Variants in SBF1 observed in about 807,000 individuals in gnomAD.
SBF1 encodes the protein SET binding factor 1, also known as myotubularin-related protein 5.
Under a neutral mutation model 215.8 loss-of-function variants are expected in SBF1, and 65 were observed. The observed-to-expected ratio is 0.30, with a 90% CI of 0.25 to 0.37. SBF1 has a LOEUF of 0.37. Ranked by LOEUF, SBF1 falls within the 10% of genes least tolerant of loss-of-function variation. The probability of loss-of-function intolerance (pLI) is 1.00; values close to 1 mark genes in which losing one functional copy is unlikely to be tolerated. For missense variants in SBF1, 2,634 were observed against 2,667.8 expected, an observed-to-expected ratio of 0.99 and a Z score of 0.28; for synonymous variants, 1,410 against 1,122.8, an observed-to-expected ratio of 1.26 and a Z score of -5.11.
At chr22:50,462,517 G>T (rs1165409990) in intron 18 of SBF1, 42 bp downstream of exon 18, 3 of 1,585,490 alleles carry the variant, frequency 1.9e-6, no homozygotes, top group Middle Eastern at 1.7e-4. Flanking sequence ...CGCTGCCCCA[G>T]CCCCTAGCCC....
Position 50,462,321 on chromosome 22 carries a change from A to G in SBF1, c.2280T>C (p.Tyr760=). Residue 760 remains tyrosine, a synonymous_variant, in exon 19 of 41, where the codon TAT becomes TAC. Coordinates refer to ENST00000380817, the MANE Select transcript of SBF1 (RefSeq NM_002972.4). ...ESTVFSQAIH[Y]ANRMSYLLLP... Reference sequence around the variant, plus strand: ...GGAGGAGGTAGCTCATGCGGTTGGCATAGTGGATGGCCTGGCTGAACACCG... The same window carrying G: ...GGAGGAGGTAGCTCATGCGGTTGGCGTAGTGGATGGCCTGGCTGAACACCG... 3 of 1,614,084 alleles carry G rather than the reference A, an allele frequency of 1.9e-6. No homozygotes were observed. The highest frequency in any genetic ancestry group is 2.5e-6 in the Non-Finnish European group (3 of 1,180,010).
intron 1 of SBF1, among the ~76,000 whole-genome samples, chr22:50,473,601 G>A (rs1051455094): frequency 3.3e-5 from 5 of 152,190 alleles, no homozygotes; most frequent in African/African-American, 7.2e-5. Flanking sequence ...CGAAGAAGAT[G>A]CTAAAGAGGC....
At chr22:50,469,142 G>A (rs1022267453) in intron 1 of SBF1, among the ~76,000 whole-genome samples, 4 of 152,170 alleles carry the variant, frequency 2.6e-5, no homozygotes, top group African/African-American at 4.8e-5. Flanking sequence ...GGTCCAGGAC[G>A]ACCACCGAAG....
intron 30 of SBF1, 39 bp from the exon 31 acceptor site, chr22:50,456,434 G>A: frequency 6.3e-7 from 1 of 1,598,968 alleles, no homozygotes; most frequent in Non-Finnish European, 8.5e-7. Flanking sequence ...GACACATGAG[G>A]CCCCAAGCCC....
chr22:50,470,679 T>C (rs1311233285), intron 1 of SBF1, among the ~76,000 whole-genome samples: 2 of 152,214 alleles, frequency 1.3e-5, no homozygotes, highest in Admixed American at 1.3e-4. Flanking sequence ...CTAGTGCACC[T>C]GTTGGCTTGG....
Position 50,459,682 on chromosome 22 carries a change from G to C in SBF1, c.3492-16C>G, listed in dbSNP as rs539158830. The C allele has an allele frequency of 2.5e-6, 4 of 1,588,672 alleles. No homozygotes were observed. The African/African-American group carries it at 5.4e-5, about 22-fold the overall frequency. ...CCCTGGGTAGCTGAGAGGAGGCAGA[G>C]GCGTGAAGGTGGCTGGCGACCCCAC... is the stretch of plus-strand genomic sequence containing the variant. On this transcript the variant is annotated splice_polypyrimidine_tract_variant and intron_variant, in intron 26 of 40. Coordinates refer to ENST00000380817, the MANE Select transcript of SBF1 (RefSeq NM_002972.4).
At chr22:50,473,447 A>G (rs4824152) in intron 1 of SBF1, among the ~76,000 whole-genome samples, 121,497 of 152,092 alleles carry the variant, frequency 0.8, 49,011 homozygotes, top group East Asian at 0.96. Context: ...GATGAGGACT[A>G]TGTGGTCCTA....
At position 50,446,491 on chromosome 22, in the gene SBF1, G is replaced by A. The variant is rs2066822612; in HGVS notation, c.*651C>T. On this transcript the variant is annotated 3_prime_UTR_variant, in exon 41 of 41. Coordinates refer to ENST00000380817, the MANE Select transcript of SBF1 (RefSeq NM_002972.4). Reference sequence around the variant, plus strand: ...TGACCACCCACCCTTTCACCCCCAAGCCTCTGTGAGGTCAGCTTCTGCATC... The same window carrying A: ...TGACCACCCACCCTTTCACCCCCAAACCTCTGTGAGGTCAGCTTCTGCATC... 4.4e-6 allele frequency: 1 copy of A among 225,142 alleles called. No homozygotes were observed. Among genetic ancestry groups the A allele is most frequent in the African/African-American group, 2.3e-5 (1 of 43,558 alleles). The allele number at this position is 225,142 out of a possible 1,614,324, so 13.9% of individuals were successfully genotyped here.
intron 28 of SBF1, among the ~76,000 whole-genome samples, chr22:50,457,910 T>C (rs979444404): frequency 1.3e-5 from 2 of 152,204 alleles, no homozygotes; most frequent in African/African-American, 4.8e-5. Flanking sequence ...CCCTGTGTCC[T>C]CTGACGGCTG....
At chr22:50,461,427 A>C in intron 22 of SBF1, 96 bp downstream of exon 22, 1 of 1,492,262 alleles carries the variant, frequency 6.7e-7, no homozygotes, top group Non-Finnish European at 8.9e-7. Context: ...GGCACCCAGA[A>C]CCCCCGAGAA....
intron 36 of SBF1, among the ~76,000 whole-genome samples, chr22:50,453,679 C>A (rs541887283): frequency 6.6e-6 from 1 of 152,178 alleles, no homozygotes; most frequent in East Asian, 1.9e-4. Context: ...CCCAGCTACT[C>A]GAGAGGCTGA....
chr22:50,474,864 A>T lies in SBF1; in HGVS notation c.-24T>A, dbSNP rs1403315352. 8.8e-6 allele frequency: 12 copies of T among 1,370,664 alleles called. No individual in the cohort carries two copies. Among genetic ancestry groups the T allele is most frequent in the African/African-American group, 4.7e-5 (3 of 64,488 alleles). The allele number at this position is 1,370,664 out of a possible 1,614,324, so 84.9% of individuals were successfully genotyped here. ...ATGGCGAGGGACGCGGGGCGGCCCG[A>T]GGGGCGCGGGCGGGCTCCGCGGCTC... is the stretch of plus-strand genomic sequence containing the variant. On this transcript the variant is annotated 5_prime_UTR_variant, in exon 1 of 41. Coordinates refer to ENST00000380817, the MANE Select transcript of SBF1 (RefSeq NM_002972.4).
intron 31 of SBF1, 75 bp from the exon 32 acceptor site, chr22:50,455,657 C>T (rs1032135683): frequency 4.0e-6 from 5 of 1,249,688 alleles, no homozygotes; most frequent in Non-Finnish European, 5.7e-6. Context: ...GCCAGAGACC[C>T]GCATGTCCAC....
chr22:50,447,972 G>A (rs772720710), intron 38 of SBF1, among the ~76,000 whole-genome samples: 38 of 152,316 alleles, frequency 2.5e-4, no homozygotes, highest in African/African-American at 3.6e-4. Flanking sequence ...AAGCAGCCAC[G>A]GCAGCAGCTG....
chr22:50,446,648 G>A lies in SBF1; in HGVS notation c.*494C>T, dbSNP rs1177294681. On this transcript the variant is annotated 3_prime_UTR_variant, in exon 41 of 41. Coordinates refer to ENST00000380817, the MANE Select transcript of SBF1 (RefSeq NM_002972.4). ...CGCCCCCAGAGCAAAGTCACTCCCA[G>A]GGACATGCAGGCCGAGCTGGGTGGA... is the stretch of plus-strand genomic sequence containing the variant. 2.7e-6 allele frequency: 1 copy of A among 363,944 alleles called. No homozygotes were observed. The highest frequency in any genetic ancestry group is 2.1e-5 in the African/African-American group (1 of 47,032). 22.5% of individuals were successfully genotyped at this position (363,944 alleles called of 1,614,324 possible).
chr22:50,451,693 A>G (rs1308291281), intron 36 of SBF1, among the ~76,000 whole-genome samples: 1 of 152,246 alleles, frequency 6.6e-6, no homozygotes, highest in East Asian at 1.9e-4. Flanking sequence ...GCAAAATCTT[A>G]AGGCAGAGAA....
rs1193133636 is a variant in SBF1 at position 50,467,431 on chromosome 22, G to C, written c.456C>G (p.Ile152Met). Residue 152 changes from isoleucine (I) to methionine (M), a missense_variant, in exon 5 of 41, where the codon ATC becomes ATG. Transcript: ENST00000380817. ...TEVFRNSLGL[I>M]YAIHVEGLNV... ...TCAGGCCCTCCACGTGGATGGCATAGATGAGGCCAAGGCTGTTCTGCAATG... is the reference window on the plus strand; with the variant it reads ...TCAGGCCCTCCACGTGGATGGCATACATGAGGCCAAGGCTGTTCTGCAATG... 2.5e-6 allele frequency: 4 copies of C among 1,614,214 alleles called. No individual in the cohort carries two copies. Among genetic ancestry groups the C allele is most frequent in the Middle Eastern group, 3.3e-4 (2 of 6,062 alleles).
At chr22:50,451,051 C>T (rs1023666473) in intron 36 of SBF1, among the ~76,000 whole-genome samples, 11 of 148,302 alleles carry the variant, frequency 7.4e-5, no homozygotes, top group East Asian at 2.0e-4. Flanking sequence ...TAGATGGGGC[C>T]GGGTGTGGTG....
Position 50,461,792 on chromosome 22 carries a change from A to G in SBF1, c.2643+4T>C, listed in dbSNP as rs747755033. On this transcript the variant is annotated splice_donor_region_variant and intron_variant, in intron 21 of 40. Coordinates refer to ENST00000380817, the MANE Select transcript of SBF1 (RefSeq NM_002972.4). ...CCCCCGCAGCCCCAACGGCCCCCGC[A>G]AACCTTCTGGATGGGCGGCAGCCTC... 6.2e-7 allele frequency: 1 copy of G among 1,613,146 alleles called. No individual in the cohort carries two copies. The highest frequency in any genetic ancestry group is 8.5e-7 in the Non-Finnish European group (1 of 1,179,884).
Sources: gnomAD v4.1 joint callset for allele counts (sites outside exome capture counted in the v4.1 genomes callset) on GRCh38, gnomAD v4.1.1 for gene constraint, MANE v1.5 for transcripts, NCBI Gene and HGNC (gene_info 2026-07-23, HGNC 2026-07-21) for gene names.